GAS2L3: variants seen among roughly 807,000 people sequenced by gnomAD.
GAS2L3 encodes growth arrest specific 2 like 3, also known as GAS2-like protein 3.
In GAS2L3, 28 loss-of-function variants were observed where a neutral mutation model predicts 37.0. That is an observed-to-expected ratio of 0.76 (90% CI 0.56 to 1.04). GAS2L3 has a LOEUF of 1.04. Among genes scored for constraint, GAS2L3 ranks in the 50% least tolerant of loss-of-function variants. The pLI is 0.00. For missense variants in GAS2L3, 793 were observed against 817.6 expected, an observed-to-expected ratio of 0.97 and a Z score of 0.37; for synonymous variants, 290 against 296.6, an observed-to-expected ratio of 0.98 and a Z score of 0.23.
intron 3 of GAS2L3, among the ~76,000 whole-genome samples, chr12:100,599,598 TAA>T (rs1428607741): frequency 6.6e-6 from 1 of 152,242 alleles, no homozygotes; most frequent in African/African-American, 2.4e-5. Context: ...GAAATTTTTT[TAA>T]AGATAACACT....
rs115004082 is a variant in GAS2L3, at chr12:100,595,546, G to A, written c.18+624G>A. Among the ~76,000 whole-genome samples, 1,226 of 151,792 alleles carry A rather than the reference G, an allele frequency of 8.1e-3. 19 individuals are homozygous for A. Among genetic ancestry groups the A allele is most frequent in the African/African-American group, 0.028 (1,153 of 41,426 alleles). On this transcript the variant is annotated intron_variant, in intron 3 of 9. Coordinates refer to ENST00000547754, the MANE Select transcript of GAS2L3 (RefSeq NM_174942.3). ...AAGTTTTCTTTCTTTTGTATAAAAAGAACATGATTGAATATTAACTTAAAA... is the reference window on the plus strand; with the variant it reads ...AAGTTTTCTTTCTTTTGTATAAAAAAAACATGATTGAATATTAACTTAAAA...
At chr12:100,609,822 A>T (rs1279946723) in intron 5 of GAS2L3, among the ~76,000 whole-genome samples, 2 of 152,130 alleles carry the variant, frequency 1.3e-5, no homozygotes, top group Non-Finnish European at 2.9e-5. Context: ...CTTCTGCTGA[A>T]CCAGAACAGC....
intron 1 of GAS2L3, among the ~76,000 whole-genome samples, chr12:100,587,054 TAACA>T (rs1468592698): frequency 6.6e-6 from 1 of 152,048 alleles, no homozygotes; most frequent in Non-Finnish European, 1.5e-5. Flanking sequence ...AACAGACCAG[TAACA>T]AACAGTGAGA....
At chr12:100,611,254 G>A (rs1246932275) in intron 5 of GAS2L3, 1 of 152,152 alleles carries the variant, frequency 6.6e-6, no homozygotes, top group Non-Finnish European at 1.5e-5. Flanking sequence ...CGAAAGTACT[G>A]GGATTACAAG....
chr12:100,578,864 T>G (rs568575244), intron 1 of GAS2L3: 1 of 758,590 alleles, frequency 1.3e-6, no homozygotes, highest in African/African-American at 1.7e-5. Context: ...GGCATCTGAC[T>G]TTTTCTACCC....
intron 3 of GAS2L3, among the ~76,000 whole-genome samples, chr12:100,598,569 T>C (rs1358023074): frequency 6.6e-6 from 1 of 152,200 alleles, no homozygotes; most frequent in African/African-American, 2.4e-5. Context: ...CCCTTTGTAG[T>C]ATTTTTTATG....
intron 6 of GAS2L3, among the ~76,000 whole-genome samples, chr12:100,614,722 C>A (rs1332646303): frequency 1.3e-5 from 2 of 152,196 alleles, no homozygotes; most frequent in Non-Finnish European, 2.9e-5. Context: ...ACTCTGTTCT[C>A]TGTCTCTATG....
At chr12:100,580,200 G>T in intron 1 of GAS2L3, 1 of 688,994 alleles carries the variant, frequency 1.5e-6, no homozygotes, top group South Asian at 1.7e-5. Flanking sequence ...CCAGGTAGAA[G>T]AGAGCCTACA....
chr12:100,585,722 G>C (rs1357651099), intron 1 of GAS2L3, among the ~76,000 whole-genome samples: 2 of 152,138 alleles, frequency 1.3e-5, no homozygotes, highest in Non-Finnish European at 2.9e-5. Context: ...ATCTCTGACA[G>C]TTGCCAAATC....
At chr12:100,622,077 G>A (rs1440429810) in intron 8 of GAS2L3, among the ~76,000 whole-genome samples, 198 bp from the exon 9 acceptor site, 1 of 152,098 alleles carries the variant, frequency 6.6e-6, no homozygotes, top group Non-Finnish European at 1.5e-5. Flanking sequence ...GTCATTTTGG[G>A]AAGACTGTGG....
intron 1 of GAS2L3, chr12:100,578,814 G>GT (rs1344935327): frequency 7.7e-6 from 5 of 650,346 alleles, no homozygotes; most frequent in Non-Finnish European, 1.4e-5. Context: ...AGCCCTGGAA[G>GT]TCTTTACACA....
chr12:100,623,795 T>C lies in GAS2L3; in HGVS notation c.990T>C (p.Asn330=), dbSNP rs752404840. 2.5e-6 allele frequency: 4 copies of C among 1,613,886 alleles called. No homozygotes were observed. Among genetic ancestry groups the C allele is most frequent in the Non-Finnish European group, 3.4e-6 (4 of 1,179,992 alleles). ...CAGTTAACATGTTTCAGAAACAAAA[T>C]TCAAAACCCAGCGTGCCAGTTAGTA... ...LSAVNMFQKQ[N]SKPSVPVSIP... The change falls in exon 10 of 10, where the codon AAT becomes AAC. Residue 330 remains asparagine, a synonymous_variant. Coordinates refer to ENST00000547754, the MANE Select transcript of GAS2L3 (RefSeq NM_174942.3).
intron 1 of GAS2L3, among the ~76,000 whole-genome samples, chr12:100,585,512 C>T (rs1411486770): frequency 1.3e-5 from 2 of 152,110 alleles, no homozygotes; most frequent in Admixed American, 6.5e-5. Flanking sequence ...CCTTGGCCTC[C>T]CAAAGTGCTG....
rs560219588 is a variant in GAS2L3 at position 100,611,942 on chromosome 12, A to G, written c.304-58A>G. 2.4e-4 allele frequency: 279 copies of G among 1,153,698 alleles called. No homozygotes were observed. In the African/African-American group the frequency reaches 4.0e-3, roughly 16 times the overall value. The allele number at this position is 1,153,698 out of a possible 1,614,324, so 71.5% of individuals were successfully genotyped here. A position where few individuals can be genotyped will look rare whatever the true frequency, so the allele number is the denominator to read the frequency against. ...ACATTTATTTAGCAATATCAAAATG[A>G]ATGTTTAATGAAAGTATCCTTGATA... On this transcript the variant is annotated intron_variant, in intron 5 of 9. Coordinates refer to ENST00000547754, the MANE Select transcript of GAS2L3 (RefSeq NM_174942.3).
intron 5 of GAS2L3, among the ~76,000 whole-genome samples, chr12:100,603,500 A>G (rs929476078): frequency 4.6e-5 from 7 of 152,252 alleles, no homozygotes; most frequent in African/African-American, 1.7e-4. Context: ...ATTTTATCCT[A>G]CAGAGTTGTT....
At chr12:100,588,811 A>G (rs1565799454) in intron 1 of GAS2L3, among the ~76,000 whole-genome samples, 1 of 152,118 alleles carries the variant, frequency 6.6e-6, no homozygotes, top group African/African-American at 2.4e-5. Flanking sequence ...GAACTTAGCA[A>G]TATCTTTCCT....
chr12:100,615,603 A>G (rs1733747536), intron 6 of GAS2L3, among the ~76,000 whole-genome samples: 1 of 151,968 alleles, frequency 6.6e-6, no homozygotes, highest in African/African-American at 2.4e-5. Flanking sequence ...ATTTTTTTCT[A>G]TAAATGTTAC....
chr12:100,612,737 A>G (rs1248281325), intron 6 of GAS2L3, among the ~76,000 whole-genome samples: 1 of 152,158 alleles, frequency 6.6e-6, no homozygotes, highest in Admixed American at 6.5e-5. Flanking sequence ...ATATGTGTAC[A>G]TACACACACA....
Position 100,624,814 on chromosome 12 carries a change from A to G in GAS2L3, c.2009A>G (p.Lys670Arg). 6.2e-7 allele frequency: 1 copy of G among 1,613,608 alleles called. No homozygotes were observed. Residue 670 changes from lysine to arginine, a missense_variant, in exon 10 of 10, where the codon AAA becomes AGA. Transcript: ENST00000547754. ...GTTAAGGATGCAGATAGTGGAGATA[A>G]AAAACCTACTGCAAAGAAAAAGGAA... ...SSVKDADSGD[K>R]KPTAKKKEDD... is the part of the protein sequence containing the mutation.
Sources: allele counts gnomAD v4.1 joint callset (sites outside exome capture counted in the v4.1 genomes callset), GRCh38; gene constraint gnomAD v4.1.1; transcripts MANE v1.5; gene names NCBI Gene and HGNC (gene_info 2026-07-23, HGNC 2026-07-21).